Variants in CREB1 observed in about 807,000 individuals in gnomAD.
CREB1 encodes the protein cAMP responsive element binding protein 1.
In CREB1, 2 loss-of-function variants were observed where a neutral mutation model predicts 42.0. That is an observed-to-expected ratio of 0.05 (90% CI 0.02 to 0.15). CREB1 has a LOEUF of 0.15. CREB1 is among the 10% of genes least tolerant of loss of function. CREB1 has a pLI of 1.00. For synonymous variants in CREB1, 123 were observed against 139.9 expected, an observed-to-expected ratio of 0.88 and a Z score of 0.85; for missense variants, 199 against 388.9, an observed-to-expected ratio of 0.51 and a Z score of 4.11.
chr2:207,602,891 C>CA lies in CREB1; in HGVS notation c.*5834dup, dbSNP rs1353230572. The CA allele has an allele frequency of 4.6e-6, 1 of 217,458 alleles. No individual in the cohort carries two copies. Among genetic ancestry groups the CA allele is most frequent in the Non-Finnish European group, 9.2e-6 (1 of 108,238 alleles). The allele number at this position is 217,458 out of a possible 1,614,324, so 13.5% of individuals were successfully genotyped here. Reference sequence around the variant, plus strand: ...GTCCACATGTCAGTTGTAACTCCCCCACTCCCTGCAAAAGGAATTATTTCT... The same window carrying CA: ...GTCCACATGTCAGTTGTAACTCCCCCAACTCCCTGCAAAAGGAATTATTTCT... On this transcript the variant is annotated 3_prime_UTR_variant, in exon 8 of 8. Coordinates refer to ENST00000353267, the MANE Select transcript of CREB1 (RefSeq NM_004379.5).
intron 7 of CREB1, among the ~76,000 whole-genome samples, chr2:207,592,477 A>G (rs1195656518): frequency 6.6e-6 from 1 of 152,088 alleles, no homozygotes; most frequent in Non-Finnish European, 1.5e-5. Context: ...GTGTGTATAT[A>G]ATGCTCCTTT....
Sources: gnomAD v4.1 joint callset for allele counts (sites outside exome capture counted in the v4.1 genomes callset) on GRCh38, gnomAD v4.1.1 for gene constraint, MANE v1.5 for transcripts, NCBI Gene and HGNC (gene_info 2026-07-23, HGNC 2026-07-21) for gene names.